SVIL: variants seen among roughly 807,000 people sequenced by gnomAD.
SVIL encodes the protein archvillin.
A neutral mutation model predicts 240.4 loss-of-function variants in SVIL; 101 were observed. That is an observed-to-expected ratio of 0.42 (90% CI 0.36 to 0.50). The LOEUF is 0.50. Ranked by LOEUF, SVIL falls within the 20% of genes least tolerant of loss-of-function variation. The probability of loss-of-function intolerance (pLI) is 0.01; values close to 1 mark genes in which losing one functional copy is unlikely to be tolerated. For synonymous variants in SVIL, 999 were observed against 1,100.0 expected, an observed-to-expected ratio of 0.91 and a Z score of 1.82; for missense variants, 2,512 against 2,818.7, an observed-to-expected ratio of 0.89 and a Z score of 2.46.
intron 1 of SVIL, among the ~76,000 whole-genome samples, chr10:29,705,906 A>C (rs770453907): frequency 2.6e-5 from 4 of 152,210 alleles, no homozygotes; most frequent in Non-Finnish European, 4.4e-5. Flanking sequence ...ATTTAGGCTG[A>C]TTCCATGACT....
intron 1 of SVIL, among the ~76,000 whole-genome samples, chr10:29,606,378 A>G (rs910420464): frequency 4.6e-5 from 7 of 152,200 alleles, no homozygotes; most frequent in Non-Finnish European, 1.0e-4. Context: ...TTAAGCCTGT[A>G]CAAAGTAGAG....
chr10:29,650,959 A>T (rs888885816), intron 3 of SVIL, among the ~76,000 whole-genome samples: 22 of 152,190 alleles, frequency 1.4e-4, no homozygotes, highest in Admixed American at 6.5e-4. Flanking sequence ...TTTTCTCTTT[A>T]TTCTGATTTC....
chr10:29,506,698 C>T (rs61849285), intron 17 of SVIL, among the ~76,000 whole-genome samples: 6 of 108,186 alleles, frequency 5.5e-5, no homozygotes, highest in South Asian at 3.0e-4. Flanking sequence ...GGGACAGAGG[C>T]CCTACGAGGG....
chr10:29,563,955 T>A (rs1010900726), intron 2 of SVIL, among the ~76,000 whole-genome samples: 17 of 151,608 alleles, frequency 1.1e-4, no homozygotes, highest in African/African-American at 4.1e-4. Flanking sequence ...TCCCCATGTA[T>A]CCCCCAGGTA....
chr10:29,524,546 T>C lies in SVIL; in HGVS notation c.2512A>G (p.Arg838Gly), dbSNP rs1564571041. The C allele has an allele frequency of 6.2e-7, 1 of 1,614,170 alleles. No homozygotes were observed. The highest frequency in any genetic ancestry group is 8.5e-7 in the Non-Finnish European group (1 of 1,180,044). The change falls in exon 14 of 38, where the codon AGA (arginine) becomes GGA (glycine). Residue 838 changes from arginine to glycine, a missense_variant. Arg to Gly is a moderately radical substitution (Grantham distance 125). Transcript: ENST00000355867. ...ATTCTCCTCTGTCTCGTGTCTATTC[T>C]GTTCCGGGTAGAAATCGCTTTTGAG... ...PVSKAISTRNRIDTRQRRMNA... is the reference protein window; with the variant it reads ...PVSKAISTRNGIDTRQRRMNA...
intron 12 of SVIL, among the ~76,000 whole-genome samples, chr10:29,529,069 G>A (rs535865956): frequency 3.3e-5 from 5 of 150,974 alleles, no homozygotes; most frequent in African/African-American, 1.2e-4. Flanking sequence ...CCAACTACTC[G>A]GGAGGTGGAG....
chr10:29,602,003 C>T (rs1956829139), intron 1 of SVIL, among the ~76,000 whole-genome samples: 1 of 152,148 alleles, frequency 6.6e-6, no homozygotes, highest in Non-Finnish European at 1.5e-5. Flanking sequence ...GGGATCACCA[C>T]CAGTTCGATT....
chr10:29,582,621 A>G (rs978921204), intron 1 of SVIL, among the ~76,000 whole-genome samples: 2 of 151,886 alleles, frequency 1.3e-5, no homozygotes, highest in African/African-American at 4.8e-5. Flanking sequence ...AGTTCCAGCC[A>G]CTCAGAAGGC....
chr10:29,715,183 T>C (rs1318550785), intron 1 of SVIL, among the ~76,000 whole-genome samples: 2 of 152,140 alleles, frequency 1.3e-5, no homozygotes, highest in Admixed American at 6.5e-5. Context: ...GGTGAGTATA[T>C]CCACTCTGAA....
At position 29,550,579 on chromosome 10, in the gene SVIL, C is replaced by A; in HGVS notation, c.827+18G>T. 1 of 1,583,856 alleles carries A rather than the reference C, an allele frequency of 6.3e-7. No homozygotes were observed. Among genetic ancestry groups the A allele is most frequent in the Non-Finnish European group, 8.6e-7 (1 of 1,165,446 alleles). On this transcript the variant is annotated intron_variant, in intron 6 of 37. Transcript: ENST00000355867. ...ATTGTCCTGCGTTCAGGGTGCTTAG[C>A]GTGGACTGGATGCTTACCTGGGTCG... is the stretch of plus-strand genomic sequence containing the variant.
chr10:29,473,731 T>G, intron 30 of SVIL, 107 bp downstream of exon 30: 2 of 1,465,916 alleles, frequency 1.4e-6, no homozygotes. Context: ...GGTGACGTGG[T>G]CTTCCATTAT....
At chr10:29,632,925 GC>G (rs1462073441) in intron 1 of SVIL, among the ~76,000 whole-genome samples, 1 of 152,132 alleles carries the variant, frequency 6.6e-6, no homozygotes, top group Non-Finnish European at 1.5e-5. Context: ...CACACTTGAT[GC>G]CCTGGATCCT....
At chr10:29,635,739 T>G (rs1408075082), upstream of SVIL, among the ~76,000 whole-genome samples, 1 of 152,240 alleles carries the variant, frequency 6.6e-6, no homozygotes, top group African/African-American at 2.4e-5. Context: ...TACAAAATAC[T>G]TACAATTGTA....
At chr10:29,703,840 C>T (rs927727193) in intron 1 of SVIL, among the ~76,000 whole-genome samples, 2 of 152,152 alleles carry the variant, frequency 1.3e-5, no homozygotes, top group Admixed American at 6.5e-5. Flanking sequence ...CTAGATCAGT[C>T]GCCCAGGCTG....
chr10:29,577,339 A>T (rs1439195344), intron 1 of SVIL, among the ~76,000 whole-genome samples: 1 of 151,968 alleles, frequency 6.6e-6, no homozygotes, highest in Admixed American at 6.6e-5. Flanking sequence ...TCCTCTCCCA[A>T]CCTTCCCCTT....
chr10:29,670,738 C>T (rs1474201311), intron 2 of SVIL, among the ~76,000 whole-genome samples: 2 of 152,112 alleles, frequency 1.3e-5, no homozygotes, highest in Non-Finnish European at 2.9e-5. Flanking sequence ...GGAATTGATC[C>T]CTGCAAGTTA....
chr10:29,616,337 T>C (rs1034617605), intron 1 of SVIL, among the ~76,000 whole-genome samples: 1 of 152,160 alleles, frequency 6.6e-6, no homozygotes, highest in African/African-American at 2.4e-5. Flanking sequence ...GCACCCAGCC[T>C]GTATTTCCAT....
At chr10:29,480,349 GT>G (rs1426182728) in intron 29 of SVIL, among the ~76,000 whole-genome samples, 187 bp downstream of exon 29, 1 of 152,160 alleles carries the variant, frequency 6.6e-6, no homozygotes, top group Non-Finnish European at 1.5e-5. Context: ...ATGCTAGGTT[GT>G]TAGGAATTCG....
Position 29,551,194 on chromosome 10 carries a change from G to A in SVIL, c.230C>T (p.Thr77Ile), listed in dbSNP as rs753392001. The change falls in exon 6 of 38, where the codon ACA (threonine) becomes ATA (isoleucine). Residue 77 changes from threonine to isoleucine, a missense_variant. Transcript: ENST00000355867. ...LEKQTRSKYC[T>I]ETSGVHGDSP... is the part of the protein sequence containing the mutation. ...GTCACCGTGGACACCGGAGGTTTCT[G>A]TGCAGTATTTGGATCGAGTTTGCTT... 6.8e-6 allele frequency: 11 copies of A among 1,613,300 alleles called. No homozygotes were observed. Among genetic ancestry groups the A allele is most frequent in the Middle Eastern group, 1.6e-4 (1 of 6,074 alleles).
Sources: gnomAD v4.1 joint callset for allele counts (sites outside exome capture counted in the v4.1 genomes callset) on GRCh38, gnomAD v4.1.1 for gene constraint, MANE v1.5 for transcripts, NCBI Gene and HGNC (gene_info 2026-07-23, HGNC 2026-07-21) for gene names.